The following FBXL17 variants were observed in gnomAD, a reference collection of about 807,000 sequenced individuals.
FBXL17 encodes F-box and leucine rich repeat protein 17, also known as F-box/LRR-repeat protein 17.
In FBXL17, 22 loss-of-function variants were observed where a neutral mutation model predicts 66.2. The ratio of observed to expected loss-of-function variants is 0.33; its 90% confidence interval spans 0.24 to 0.47. The LOEUF (loss-of-function observed/expected upper bound fraction) is 0.47, where lower values mean the gene tolerates loss of function less well. Ranked by LOEUF, FBXL17 falls within the 20% of genes least tolerant of loss-of-function variation. The pLI, the probability that FBXL17 is intolerant of heterozygous loss-of-function variation, is 1.00. For synonymous variants in FBXL17, 474 were observed against 400.5 expected, an observed-to-expected ratio of 1.18 and a Z score of -2.19; for missense variants, 878 against 948.2, an observed-to-expected ratio of 0.93 and a Z score of 0.97.
rs1268624853 is a variant in FBXL17 at position 107,885,298 on chromosome 5, TACACTA to T, written c.1823-4125_1823-4120del. The stretch of plus-strand genomic sequence containing the variant: ...GTAACTTGTGTGTTGATGAAGGGTA[TACACTA>T]ACCCCCTAATAGTCATTCCCATAGA... On this transcript the variant is annotated intron_variant, in intron 7 of 8. Transcript: ENST00000542267. Among the ~76,000 whole-genome samples the T allele has an allele frequency of 2.6e-5, 4 of 152,214 alleles. No individual in the cohort carries two copies. In the South Asian group the frequency reaches 8.3e-4, roughly 31 times the overall value.
intron 8 of FBXL17, among the ~76,000 whole-genome samples, chr5:107,871,804 CTAAG>C (rs1299710308): frequency 6.6e-6 from 1 of 150,520 alleles, no homozygotes; most frequent in Admixed American, 6.6e-5. Context: ...AATATAGTCA[CTAAG>C]TAAGTGGTAA....
At chr5:108,045,213 AG>A (rs1747206497) in intron 6 of FBXL17, among the ~76,000 whole-genome samples, 1 of 152,136 alleles carries the variant, frequency 6.6e-6, no homozygotes, top group African/African-American at 2.4e-5. Context: ...AGGCTGAGGC[AG>A]GCGGATCATG....
chr5:108,314,910 T>A (rs912258070), intron 4 of FBXL17, among the ~76,000 whole-genome samples: 10 of 151,310 alleles, frequency 6.6e-5, no homozygotes, highest in African/African-American at 2.4e-4. Context: ...TTTATGTCTG[T>A]TGTATTATTA....
chr5:107,908,141 C>T lies in FBXL17; in HGVS notation c.1823-26962G>A, dbSNP rs538838466. 2.1e-3 allele frequency among the ~76,000 whole-genome samples: 325 copies of T among 152,174 alleles called. 1 individual carries two copies. The highest frequency in any genetic ancestry group is 7.2e-3 in the African/African-American group (301 of 41,542). On this transcript the variant is annotated intron_variant, in intron 7 of 8. Transcript: ENST00000542267. Reference sequence around the variant, plus strand: ...TAAAAAATGATGAGTTCATGTCCTTCGTAGGGACATGGATGAAATTGGAAA... The same window carrying T: ...TAAAAAATGATGAGTTCATGTCCTTTGTAGGGACATGGATGAAATTGGAAA...
At chr5:108,130,222 A>G (rs1750878197) in intron 6 of FBXL17, among the ~76,000 whole-genome samples, 1 of 151,876 alleles carries the variant, frequency 6.6e-6, no homozygotes, top group African/African-American at 2.4e-5. Context: ...TGAGACTTGG[A>G]TTAGGAAAGA....
intron 6 of FBXL17, among the ~76,000 whole-genome samples, chr5:108,086,167 C>T (rs1748962721): frequency 6.6e-6 from 1 of 151,880 alleles, no homozygotes; most frequent in Non-Finnish European, 1.5e-5. Context: ...CCAGAGAAGT[C>T]CTGCCCCATA....
At chr5:108,303,484 A>C (rs775246914) in intron 4 of FBXL17, among the ~76,000 whole-genome samples, 34 of 151,878 alleles carry the variant, frequency 2.2e-4, no homozygotes, top group Non-Finnish European at 4.3e-4. Context: ...GACAAGTCAA[A>C]CTATTCTCTT....
intron 7 of FBXL17, among the ~76,000 whole-genome samples, chr5:107,997,909 C>A (rs1050578670): frequency 2.0e-5 from 3 of 152,186 alleles, no homozygotes; most frequent in African/African-American, 7.2e-5. Flanking sequence ...ACACTGACAG[C>A]CATTTTCTCA....
chr5:107,915,430 T>C (rs1750096285), intron 7 of FBXL17, among the ~76,000 whole-genome samples: 1 of 152,176 alleles, frequency 6.6e-6, no homozygotes, highest in Non-Finnish European at 1.5e-5. Context: ...TAAGAACGTT[T>C]TCCCAGACTG....
At chr5:108,150,779 A>C (rs1751740376) in intron 6 of FBXL17, among the ~76,000 whole-genome samples, 1 of 152,208 alleles carries the variant, frequency 6.6e-6, no homozygotes, top group Non-Finnish European at 1.5e-5. Flanking sequence ...GAAGGCACAT[A>C]ATAACGATTT....
intron 6 of FBXL17, among the ~76,000 whole-genome samples, chr5:108,029,855 T>A (rs1041803848): frequency 2.0e-5 from 3 of 152,034 alleles, no homozygotes; most frequent in African/African-American, 7.2e-5. Flanking sequence ...AGGATTAGAA[T>A]TCGAGATTCC....
At chr5:108,223,957 G>C (rs1418306090) in intron 5 of FBXL17, among the ~76,000 whole-genome samples, 164 bp downstream of exon 5, 2 of 152,086 alleles carry the variant, frequency 1.3e-5, no homozygotes, top group East Asian at 3.9e-4. Flanking sequence ...TTTCAGAAAG[G>C]ATAAGTTTGG....
chr5:108,118,045 T>G (rs1750332629), intron 6 of FBXL17, among the ~76,000 whole-genome samples: 1 of 152,154 alleles, frequency 6.6e-6, no homozygotes, highest in Non-Finnish European at 1.5e-5. Context: ...ACCTGGCAGG[T>G]GGGCTAACTT....
intron 6 of FBXL17, among the ~76,000 whole-genome samples, chr5:108,037,911 A>G (rs557713180): frequency 2.6e-4 from 39 of 152,284 alleles, no homozygotes; most frequent in Non-Finnish European, 5.3e-4. Context: ...TCTTGCCCCA[A>G]AATAAAAAAA....
At chr5:108,303,708 C>A (rs1758707092) in intron 4 of FBXL17, among the ~76,000 whole-genome samples, 2 of 151,766 alleles carry the variant, frequency 1.3e-5, no homozygotes, top group Admixed American at 1.3e-4. Flanking sequence ...CTGCAAAGGT[C>A]AAAAATATTT....
intron 4 of FBXL17, among the ~76,000 whole-genome samples, chr5:108,262,590 G>T (rs1182833131): frequency 6.6e-6 from 1 of 152,074 alleles, no homozygotes; most frequent in Non-Finnish European, 1.5e-5. Flanking sequence ...AGCTGTTATA[G>T]CAAATAGGAA....
intron 8 of FBXL17, among the ~76,000 whole-genome samples, chr5:107,877,090 T>C (rs1288732880): frequency 6.6e-6 from 1 of 152,206 alleles, no homozygotes; most frequent in Non-Finnish European, 1.5e-5. Context: ...GTTCTTACAA[T>C]GCACTAAAGT....
chr5:107,985,035 T>C (rs926374169), intron 7 of FBXL17, among the ~76,000 whole-genome samples: 3 of 152,182 alleles, frequency 2.0e-5, no homozygotes, highest in African/African-American at 7.2e-5. Context: ...CAATTCCTTT[T>C]CATGGAAGTT....
intron 6 of FBXL17, among the ~76,000 whole-genome samples, chr5:108,178,993 G>A (rs1341772407): frequency 6.6e-6 from 1 of 152,130 alleles, no homozygotes; most frequent in Non-Finnish European, 1.5e-5. Flanking sequence ...CAGTCTCTAG[G>A]AGAATTAAGT....
Sources: allele counts gnomAD v4.1 joint callset (sites outside exome capture counted in the v4.1 genomes callset), GRCh38; gene constraint gnomAD v4.1.1; transcripts MANE v1.5; gene names NCBI Gene and HGNC (gene_info 2026-07-23, HGNC 2026-07-21).